The following MZT2B variants were observed in gnomAD, a reference collection of about 807,000 sequenced individuals.
MZT2B encodes mitotic-spindle organizing protein 2B.
MZT2B carries 11 observed loss-of-function variants against 12.1 expected under a neutral mutation model. The ratio of observed to expected loss-of-function variants is 0.91; its 90% CI spans 0.57 to 1.50. The LOEUF (loss-of-function observed/expected upper bound fraction) is 1.50, where lower values mean the gene tolerates loss of function less well. Ranked by LOEUF, MZT2B falls within the 40% of genes most tolerant of loss-of-function variation. The pLI, the probability that MZT2B is intolerant of heterozygous loss-of-function variation, is 0.00. For synonymous variants in MZT2B, 85 were observed against 109.5 expected, an observed-to-expected ratio of 0.78 and a Z score of 1.40; for missense variants, 209 against 227.7, an observed-to-expected ratio of 0.92 and a Z score of 0.53.
rs570900593 is a variant in MZT2B at position 130,183,319 on chromosome 2, C to T, written c.319+544C>T. 15 of 287,432 alleles carry T rather than the reference C, an allele frequency of 5.2e-5. 1 individual carries two copies. The South Asian group carries it at 5.5e-4, about 11-fold the overall frequency. 17.8% of individuals were successfully genotyped at this position (287,432 alleles called of 1,614,324 possible). On this transcript the variant is annotated intron_variant, in intron 2 of 2. Coordinates refer to ENST00000281871, the MANE Select transcript of MZT2B (RefSeq NM_025029.5). ...TTACCCCACCTGGGCCCAGTTCCTG[C>T]GCAGGGGCTTGGCCAGTCCTGGTCA...
chr2:130,190,974 G>A (rs1663234991), downstream of MZT2B, among the ~76,000 whole-genome samples: 4 of 152,120 alleles, frequency 2.6e-5, 1 homozygote, highest in South Asian at 8.3e-4. Flanking sequence ...TTTTGAAATG[G>A]AGTCTTGCTC....
chr2:130,196,821 C>T, the MZT2B span, among the ~76,000 whole-genome samples: 5 of 152,286 alleles, frequency 3.3e-5, no homozygotes, highest in East Asian at 5.8e-4. Context: ...CCTCTCTCTG[C>T]CCCCCAGTTC....
chr2:130,183,922 C>T lies in MZT2B; in HGVS notation c.319+1147C>T, dbSNP rs1453399205. ...CACTCGCCTCTCTCTCCAGGCCCCCCGGGTTCCCTCCGCCTCTCTTGCTGC... is the reference window on the plus strand; with the variant it reads ...CACTCGCCTCTCTCTCCAGGCCCCCTGGGTTCCCTCCGCCTCTCTTGCTGC... On this transcript the variant is annotated intron_variant, in intron 2 of 2. Coordinates refer to ENST00000281871, the MANE Select transcript of MZT2B (RefSeq NM_025029.5). 9.7e-6 allele frequency: 15 copies of T among 1,550,436 alleles called. No individual in the cohort carries two copies. In the East Asian group the frequency reaches 2.0e-4, roughly 20 times the overall value.
chr2:130,184,463 A>G (rs541429983), intron 2 of MZT2B: 27 of 985,326 alleles, frequency 2.7e-5, no homozygotes, highest in Middle Eastern at 5.2e-4. Flanking sequence ...CCCCTTGCCC[A>G]CCTCACTCCT....
At chr2:130,204,261 G>A in the MZT2B span, 2 of 652,942 alleles carry the variant, frequency 3.1e-6, no homozygotes, top group Non-Finnish European at 5.0e-6. Context: ...AGGAGTTCTT[G>A]GAGCTCAATG....
downstream of MZT2B, among the ~76,000 whole-genome samples, chr2:130,193,479 G>A (rs1690320189): frequency 6.6e-6 from 1 of 150,982 alleles, no homozygotes; most frequent in Admixed American, 6.6e-5. Flanking sequence ...CATGGTGGCA[G>A]GTACCTGTAA....
the MZT2B span, among the ~76,000 whole-genome samples, chr2:130,198,024 A>T: frequency 8.1e-6 from 1 of 123,334 alleles, no homozygotes; most frequent in Admixed American, 9.0e-5. Context: ...GCAGCTCCTC[A>T]GCTGTTTCCA....
At chr2:130,188,289 AG>A (rs1690133103) in intron 2 of MZT2B, 1 of 166,482 alleles carries the variant, frequency 6.0e-6, no homozygotes. Context: ...CTGCGGCTAC[AG>A]AAGATCTGAC....
At chr2:130,202,834 G>C in the MZT2B span, among the ~76,000 whole-genome samples, 1 of 152,128 alleles carries the variant, frequency 6.6e-6, no homozygotes, top group Non-Finnish European at 1.5e-5. Flanking sequence ...TGACACCAGT[G>C]ACCTCGTCCT....
intron 2 of MZT2B, among the ~76,000 whole-genome samples, chr2:130,190,234 T>C (rs1296470376): frequency 6.6e-6 from 1 of 152,174 alleles, no homozygotes; most frequent in African/African-American, 2.4e-5. Context: ...CTTGCATGGC[T>C]TTGCTCCTAG....
intron 2 of MZT2B, chr2:130,182,980 G>A: frequency 1.1e-6 from 1 of 872,328 alleles, no homozygotes; most frequent in Non-Finnish European, 1.7e-6. Flanking sequence ...TGGACGCAGA[G>A]TGCGTACCCC....
chr2:130,201,853 C>T, the MZT2B span, among the ~76,000 whole-genome samples: 191 of 152,278 alleles, frequency 1.3e-3, no homozygotes, highest in Non-Finnish European at 2.3e-3. Context: ...TGGCTACAGA[C>T]CTGTACAGCA....
In MZT2B at chr2:130,182,626, G is replaced by A. The variant is rs1689785819; in HGVS notation, c.171-1G>A. 2 of 1,528,734 alleles carry A rather than the reference G, an allele frequency of 1.3e-6. No individual in the cohort carries two copies. The highest frequency in any genetic ancestry group is 2.5e-5 in the South Asian group (2 of 79,844). The allele number at this position is 1,528,734 out of a possible 1,614,324, so 94.7% of individuals were successfully genotyped here. ...ACCGGCCCCGCGTCTGTCCCCGCCAGGATCCTGGTGGACCTGCTGAAGCTG... is the reference window on the plus strand; with the variant it reads ...ACCGGCCCCGCGTCTGTCCCCGCCAAGATCCTGGTGGACCTGCTGAAGCTG... On this transcript the variant is annotated splice_acceptor_variant, in intron 1 of 2. Transcript: ENST00000281871. LOFTEE classifies it high-confidence loss of function.
At chr2:130,195,140 CT>C, downstream of MZT2B, 1 of 1,613,654 alleles carries the variant, frequency 6.2e-7, no homozygotes. Context: ...GTAATGGCCC[CT>C]GGCGTAATTA....
At position 130,183,196 on chromosome 2, in the gene MZT2B, C is replaced by T. The variant is rs182291431; in HGVS notation, c.319+421C>T. The T allele has an allele frequency of 1.1e-3, 333 of 293,260 alleles. 2 individuals carry two copies. Among genetic ancestry groups the T allele is most frequent in the African/African-American group, 6.9e-3 (308 of 44,468 alleles). 18.2% of individuals were successfully genotyped at this position (293,260 alleles called of 1,614,324 possible). A position where few individuals can be genotyped will look rare whatever the true frequency, so the allele number is the denominator to read the frequency against. ...TGGGTGACAGGGTGAGATCCTGTCT[C>T]TAAATGTTTTTCAAAAGACAGTCTC... On this transcript the variant is annotated intron_variant, in intron 2 of 2. Coordinates refer to ENST00000281871, the MANE Select transcript of MZT2B (RefSeq NM_025029.5).
the MZT2B span, among the ~76,000 whole-genome samples, chr2:130,200,611 G>C: frequency 6.6e-6 from 1 of 151,988 alleles, no homozygotes; most frequent in Non-Finnish European, 1.5e-5. Context: ...AAAGTGCTGT[G>C]AACACTTTTT....
chr2:130,184,155 T>C (rs1689956155), intron 2 of MZT2B: 6 of 1,470,544 alleles, frequency 4.1e-6, no homozygotes, highest in African/African-American at 2.8e-5. Context: ...TGGCAGTCTC[T>C]AGACCCCACA....
At chr2:130,198,543 G>T in the MZT2B span, 1 of 715,474 alleles carries the variant, frequency 1.4e-6, no homozygotes, top group Non-Finnish European at 2.1e-6. Flanking sequence ...AGTTCTGATT[G>T]GCCGTTGCTC....
chr2:130,190,275 C>T (rs3856377), intron 2 of MZT2B, among the ~76,000 whole-genome samples, 194 bp from the exon 3 acceptor site: 59,501 of 152,050 alleles, frequency 0.39, 11,880 homozygotes, highest in Admixed American at 0.47. Context: ...CTGCACACTG[C>T]GAAGGGCTTC....
Sources: gnomAD v4.1 joint callset for allele counts (sites outside exome capture counted in the v4.1 genomes callset) on GRCh38, gnomAD v4.1.1 for gene constraint, MANE v1.5 for transcripts, NCBI Gene and HGNC (gene_info 2026-07-23, HGNC 2026-07-21) for gene names.